The following AOPEP variants were observed in gnomAD, a reference collection of about 807,000 sequenced individuals.
AOPEP encodes aminopeptidase O.
A neutral mutation model predicts 98.1 loss-of-function variants in AOPEP; 77 were observed. The observed-to-expected ratio is 0.78, with a 90% confidence interval of 0.65 to 0.95. AOPEP has a LOEUF of 0.95. Ranked by LOEUF, AOPEP falls within the 40% of genes least tolerant of loss-of-function variation. The pLI, the probability that AOPEP is intolerant of heterozygous loss-of-function variation, is 0.00. For synonymous variants in AOPEP, 346 were observed against 365.3 expected (o/e 0.95, Z 0.60); for missense variants, 1,024 against 1,024.7 (o/e 1.00, Z 0.01).
Position 95,066,709 on chromosome 9 carries a change from G to A in AOPEP, c.2232+5899G>A, listed in dbSNP as rs186500848. On this transcript the variant is annotated intron_variant, in intron 14 of 16. Transcript: ENST00000375315. ...CATAGGGCGCTCTCCAGTCTGTATAGATTTTCTCAGAAAGATGGAGATGGA... is the reference window on the plus strand; with the variant it reads ...CATAGGGCGCTCTCCAGTCTGTATAAATTTTCTCAGAAAGATGGAGATGGA... 1.3e-3 allele frequency among the ~76,000 whole-genome samples: 191 copies of A among 152,226 alleles called. 1 individual carries two copies. The highest frequency in any genetic ancestry group is 2.7e-3 in the South Asian group (13 of 4,822).
chr9:94,796,094 G>C (rs1474167964), intron 4 of AOPEP, among the ~76,000 whole-genome samples: 3 of 152,158 alleles, frequency 2.0e-5, no homozygotes, highest in African/African-American at 7.2e-5. Context: ...TGCACCCTCT[G>C]TGTGCAAGCA....
At chr9:94,988,112 C>A (rs2060635706) in intron 11 of AOPEP, among the ~76,000 whole-genome samples, 1 of 152,156 alleles carries the variant, frequency 6.6e-6, no homozygotes, top group Admixed American at 6.5e-5. Flanking sequence ...AGAAGCTCTT[C>A]ATTTACATGG....
the AOPEP span, among the ~76,000 whole-genome samples, chr9:95,141,303 C>T: frequency 2.9e-4 from 28 of 97,780 alleles, no homozygotes; most frequent in South Asian, 0.012. Context: ...CAGAGTGAGA[C>T]CCTGTCTCAA....
At chr9:94,749,129 T>G (rs780163220) in intron 1 of AOPEP, among the ~76,000 whole-genome samples, 3 of 152,224 alleles carry the variant, frequency 2.0e-5, no homozygotes, top group Non-Finnish European at 4.4e-5. Context: ...TTAAACAAAT[T>G]TATTTATTCA....
At chr9:94,892,308 T>TA (rs1419499422) in intron 5 of AOPEP, among the ~76,000 whole-genome samples, 1 of 152,214 alleles carries the variant, frequency 6.6e-6, no homozygotes, top group African/African-American at 2.4e-5. Context: ...GATCTTTTAT[T>TA]ATTTTCCCAC....
the AOPEP span, chr9:95,113,840 T>G: frequency 1.3e-5 from 2 of 152,352 alleles, no homozygotes. Context: ...GCCAGGATGG[T>G]CTCGATCTCC....
chr9:94,747,953 T>TA (rs548409557), intron 1 of AOPEP, among the ~76,000 whole-genome samples: 43 of 152,132 alleles, frequency 2.8e-4, no homozygotes, highest in African/African-American at 9.9e-4. Context: ...GAATAATAAA[T>TA]AAAAAAATAG....
chr9:94,873,765 CT>C (rs2046607582), intron 5 of AOPEP, among the ~76,000 whole-genome samples: 1 of 151,990 alleles, frequency 6.6e-6, no homozygotes, highest in Non-Finnish European at 1.5e-5. Flanking sequence ...TTTCAAGCAA[CT>C]TCTTTGATAT....
chr9:94,994,040 C>G lies in AOPEP; in HGVS notation c.1978-11118C>G, dbSNP rs1564495215. Among the ~76,000 whole-genome samples the G allele has an allele frequency of 2.6e-5, 4 of 152,156 alleles. No homozygotes were observed. The South Asian group carries it at 8.3e-4, about 32-fold the overall frequency. On this transcript the variant is annotated intron_variant, in intron 11 of 16. Coordinates refer to ENST00000375315, the MANE Select transcript of AOPEP (RefSeq NM_001193329.3). ...CTGGTGTCTCCCTTCTTCTCCCGAG[C>G]CACGCATGCTGCCACTTTTCACATT...
At chr9:94,873,607 G>A (rs1454106735) in intron 5 of AOPEP, among the ~76,000 whole-genome samples, 1 of 152,106 alleles carries the variant, frequency 6.6e-6, no homozygotes, top group East Asian at 1.9e-4. Context: ...CTTTGTATCT[G>A]GTTTATTCAT....
chr9:94,788,167 CCCAA>C (rs1258851638), intron 3 of AOPEP, among the ~76,000 whole-genome samples: 1 of 151,974 alleles, frequency 6.6e-6, no homozygotes, highest in Non-Finnish European at 1.5e-5. Context: ...ACCTCCTGGG[CCCAA>C]GTGATCCTCC....
intron 10 of AOPEP, among the ~76,000 whole-genome samples, chr9:94,977,270 C>T (rs1056357361): frequency 1.3e-5 from 2 of 152,110 alleles, no homozygotes; most frequent in Admixed American, 1.3e-4. Flanking sequence ...GGACATGCCC[C>T]TGGAGAGGAT....
intron 7 of AOPEP, chr9:94,935,125 T>C (rs924346333): frequency 1.3e-4 from 20 of 152,328 alleles, no homozygotes; most frequent in African/African-American, 4.8e-4. Flanking sequence ...CCCTTGGTGC[T>C]GTGGTCACAA....
At chr9:95,031,029 T>C (rs559031186) in intron 13 of AOPEP, among the ~76,000 whole-genome samples, 1 of 152,354 alleles carries the variant, frequency 6.6e-6, no homozygotes, top group African/African-American at 2.4e-5. Flanking sequence ...CACTATGTTG[T>C]CTGGCCTGGC....
intron 5 of AOPEP, among the ~76,000 whole-genome samples, chr9:94,911,791 A>G (rs117838873): frequency 1.3e-3 from 193 of 152,288 alleles, no homozygotes; most frequent in Non-Finnish European, 2.3e-3. Flanking sequence ...ACAGAGCTCT[A>G]ACTTCATCTT....
intron 7 of AOPEP, chr9:94,932,379 T>A: frequency 1.6e-6 from 1 of 608,540 alleles, no homozygotes; most frequent in Non-Finnish European, 2.1e-6. Context: ...TCTGACTTAC[T>A]AGTTTTAGTA....
intron 5 of AOPEP, among the ~76,000 whole-genome samples, chr9:94,839,088 CTTTT>C (rs35760706): frequency 1.6e-5 from 2 of 121,226 alleles, no homozygotes; most frequent in Admixed American, 8.5e-5. Context: ...TTTTTGTATT[CTTTT>C]TTTTTTTTTT....
intron 13 of AOPEP, among the ~76,000 whole-genome samples, chr9:95,017,273 G>T (rs948007074): frequency 2.6e-5 from 4 of 152,080 alleles, no homozygotes; most frequent in Non-Finnish European, 5.9e-5. Flanking sequence ...AATGCTTCAT[G>T]TGGTGATTTC....
At chr9:94,968,085 G>A (rs575208482) in intron 10 of AOPEP, among the ~76,000 whole-genome samples, 18 of 152,124 alleles carry the variant, frequency 1.2e-4, no homozygotes, top group Non-Finnish European at 1.8e-4. Flanking sequence ...TTGCTGCTGC[G>A]GAAAGAATGG....
Sources: allele counts gnomAD v4.1 joint callset (sites outside exome capture counted in the v4.1 genomes callset), GRCh38; gene constraint gnomAD v4.1.1; transcripts MANE v1.5; gene names NCBI Gene and HGNC (gene_info 2026-07-23, HGNC 2026-07-21).